NFIB: variants seen among roughly 807,000 people sequenced by gnomAD.
NFIB encodes nuclear factor 1 B-type.
NFIB carries 11 observed loss-of-function variants against 61.5 expected under a neutral mutation model. That is an observed-to-expected ratio of 0.18 (90% CI 0.11 to 0.30). The LOEUF (loss-of-function observed/expected upper bound fraction) is 0.30, where lower values mean the gene tolerates loss of function less well. Among genes scored for constraint, NFIB ranks in the 10% least tolerant of loss-of-function variants. The pLI is 1.00. For missense variants in NFIB, 471 were observed against 608.9 expected (o/e 0.77, Z 2.38); for synonymous variants, 260 against 216.5 (o/e 1.20, Z -1.76).
At chr9:14,401,085 T>G (rs1386536460), upstream of NFIB, among the ~76,000 whole-genome samples, 1 of 152,218 alleles carries the variant, frequency 6.6e-6, no homozygotes, top group African/African-American at 2.4e-5. Flanking sequence ...TTCCAAGAAG[T>G]AGTGGTTAAG....
intron 4 of NFIB, among the ~76,000 whole-genome samples, chr9:14,150,657 C>A (rs1484681692): frequency 6.6e-6 from 1 of 151,810 alleles, no homozygotes; most frequent in Non-Finnish European, 1.5e-5. Context: ...CCTAGGCTCT[C>A]GAAAACCAAA....
At chr9:14,366,511 A>C (rs563500970) in intron 1 of NFIB, among the ~76,000 whole-genome samples, 106 of 151,602 alleles carry the variant, frequency 7.0e-4, no homozygotes, top group African/African-American at 2.5e-3. Context: ...CTTGAGACAG[A>C]GTCTTGCTCT....
At chr9:14,510,430 A>G in the NFIB span, among the ~76,000 whole-genome samples, 1 of 152,220 alleles carries the variant, frequency 6.6e-6, no homozygotes, top group Non-Finnish European at 1.5e-5. Flanking sequence ...TGGCTAAAGC[A>G]TGTGTTTGTG....
the NFIB span, among the ~76,000 whole-genome samples, chr9:14,466,392 C>G: frequency 1.3e-5 from 2 of 152,164 alleles, no homozygotes; most frequent in Non-Finnish European, 2.9e-5. Flanking sequence ...ACACTCTGCA[C>G]TGGCACTGGG....
At chr9:14,417,951 G>C in the NFIB span, among the ~76,000 whole-genome samples, 1 of 151,754 alleles carries the variant, frequency 6.6e-6, no homozygotes, top group Non-Finnish European at 1.5e-5. Context: ...CTAATTTCTC[G>C]TACTTTTAGT....
intron 2 of NFIB, among the ~76,000 whole-genome samples, chr9:14,216,540 CTCCCTCTGTGTGTGTGTG>C (rs1265283863): frequency 4.1e-4 from 12 of 29,344 alleles, no homozygotes; most frequent in African/African-American, 2.4e-3. Flanking sequence ...CTCTCTCTCT[CTCCCTCTGTGTGTGTGTG>C]TGTGTGTGTG....
upstream of NFIB, among the ~76,000 whole-genome samples, chr9:14,318,497 C>T (rs1318135512): frequency 6.9e-6 from 1 of 144,206 alleles, no homozygotes; most frequent in Non-Finnish European, 1.5e-5. Context: ...TTCCAATACA[C>T]TCGATGCCTT....
chr9:14,445,036 A>G, the NFIB span, among the ~76,000 whole-genome samples: 2 of 152,010 alleles, frequency 1.3e-5, no homozygotes, highest in South Asian at 4.1e-4. Flanking sequence ...TATACTCATG[A>G]TATGTTTGTG....
At chr9:14,229,180 G>A (rs10961436) in intron 2 of NFIB, among the ~76,000 whole-genome samples, 31,024 of 151,922 alleles carry the variant, frequency 0.2, 4,186 homozygotes, top group East Asian at 0.58. Context: ...CTATTGATTC[G>A]TGCTCTAAAA....
intron 2 of NFIB, among the ~76,000 whole-genome samples, chr9:14,265,774 G>A (rs920635926): frequency 2.0e-5 from 3 of 152,158 alleles, no homozygotes; most frequent in African/African-American, 7.2e-5. Context: ...CTACATGCTA[G>A]AGACACATTT....
chr9:14,400,488 G>T (rs745323971), upstream of NFIB, among the ~76,000 whole-genome samples: 5 of 152,128 alleles, frequency 3.3e-5, no homozygotes, highest in African/African-American at 4.8e-5. Context: ...CAGGTAAGAA[G>T]CTGTAAAAAC....
chr9:14,100,340 T>C lies in NFIB; in HGVS notation c.1468-12014A>G, dbSNP rs552472410. Among the ~76,000 whole-genome samples the C allele has an allele frequency of 7.4e-4, 113 of 152,302 alleles. 1 individual carries two copies. Among genetic ancestry groups the C allele is most frequent in the African/African-American group, 2.5e-3 (102 of 41,570 alleles). Reference sequence around the variant, plus strand: ...AACTGAGTTTAATCATCAGATTCATTTCCTCCAATACATGTGTTCTGAGAT... The same window carrying C: ...AACTGAGTTTAATCATCAGATTCATCTCCTCCAATACATGTGTTCTGAGAT... On this transcript the variant is annotated intron_variant, in intron 10 of 10. Coordinates refer to ENST00000380953, the MANE Select transcript of NFIB (RefSeq NM_001190737.2).
intron 2 of NFIB, among the ~76,000 whole-genome samples, chr9:14,298,922 A>T (rs1222649623): frequency 6.6e-6 from 1 of 152,236 alleles, no homozygotes; most frequent in South Asian, 2.1e-4. Flanking sequence ...CCTGACACCA[A>T]GGCCAGAAGC....
the NFIB span, among the ~76,000 whole-genome samples, chr9:14,482,082 A>C: frequency 2.0e-5 from 1 of 51,156 alleles, no homozygotes; most frequent in Non-Finnish European, 4.0e-5. Context: ...CCCACCCCAA[A>C]TGACCACCAC....
At chr9:14,485,657 C>T in the NFIB span, among the ~76,000 whole-genome samples, 1 of 152,118 alleles carries the variant, frequency 6.6e-6, no homozygotes, top group African/African-American at 2.4e-5. Flanking sequence ...GGTCGATCAT[C>T]TGAGGTCAGG....
chr9:14,492,623 C>T, the NFIB span, among the ~76,000 whole-genome samples: 10 of 152,078 alleles, frequency 6.6e-5, no homozygotes, highest in East Asian at 5.8e-4. Flanking sequence ...CCGGATCTCA[C>T]GGGAACTCTA....
intron 2 of NFIB, among the ~76,000 whole-genome samples, chr9:14,210,303 T>G (rs1400259381): frequency 6.6e-6 from 1 of 152,158 alleles, no homozygotes; most frequent in East Asian, 1.9e-4. Flanking sequence ...TTAAAACATT[T>G]TTTGTGGTTA....
At chr9:14,171,174 C>G (rs2045524594) in intron 3 of NFIB, among the ~76,000 whole-genome samples, 1 of 152,178 alleles carries the variant, frequency 6.6e-6, no homozygotes, top group Non-Finnish European at 1.5e-5. Flanking sequence ...TGAAAAACCC[C>G]TGATGACTCA....
At chr9:14,337,239 C>A (rs533252361) in intron 1 of NFIB, among the ~76,000 whole-genome samples, 1 of 152,228 alleles carries the variant, frequency 6.6e-6, no homozygotes, top group African/African-American at 2.4e-5. Context: ...AGAGGAGAAA[C>A]AAGCAAAAGT....
Sources: gnomAD v4.1 joint callset for allele counts (sites outside exome capture counted in the v4.1 genomes callset) on GRCh38, gnomAD v4.1.1 for gene constraint, MANE v1.5 for transcripts, NCBI Gene and HGNC (gene_info 2026-07-23, HGNC 2026-07-21) for gene names.